The following GRM7 variants were observed in gnomAD, a reference collection of about 807,000 sequenced individuals.
The protein encoded by GRM7 is glutamate metabotropic receptor 7.
In GRM7, 35 loss-of-function variants were observed where a neutral mutation model predicts 84.5. The ratio of observed to expected loss-of-function variants is 0.41; its 90% CI spans 0.32 to 0.55. The LOEUF (loss-of-function observed/expected upper bound fraction) is 0.55, where lower values mean the gene tolerates loss of function less well. GRM7 is among the 20% of genes least tolerant of loss of function. GRM7 has a pLI of 0.19. For missense variants in GRM7, 1,003 were observed against 1,194.6 expected (o/e 0.84, Z 2.36); for synonymous variants, 487 against 455.1 (o/e 1.07, Z -0.89).
At chr3:7,110,981 G>A (rs1244129265) in intron 1 of GRM7, among the ~76,000 whole-genome samples, 2 of 152,142 alleles carry the variant, frequency 1.3e-5, no homozygotes, top group Admixed American at 1.3e-4. Flanking sequence ...GACAGAATGG[G>A]TGGAGGGGAA....
intron 4 of GRM7, among the ~76,000 whole-genome samples, chr3:7,352,555 T>C (rs1444249257): frequency 1.3e-5 from 2 of 152,130 alleles, no homozygotes; most frequent in Non-Finnish European, 2.9e-5. Context: ...GTCCTCATCA[T>C]GCAATTGGCT....
At chr3:6,987,397 G>GAAAA (rs1330845179) in intron 1 of GRM7, among the ~76,000 whole-genome samples, 6 of 133,714 alleles carry the variant, frequency 4.5e-5, no homozygotes, top group African/African-American at 1.9e-4. Context: ...GGTGCTGAAG[G>GAAAA]ACAAAAAAAA....
intron 5 of GRM7, among the ~76,000 whole-genome samples, chr3:7,446,666 G>A (rs1290696476): frequency 3.3e-5 from 5 of 151,918 alleles, no homozygotes; most frequent in African/African-American, 1.2e-4. Flanking sequence ...CACCATGTTG[G>A]CCAGGCTGGT....
intron 8 of GRM7, among the ~76,000 whole-genome samples, chr3:7,666,301 C>T (rs555870369): frequency 3.9e-5 from 6 of 152,276 alleles, no homozygotes; most frequent in South Asian, 2.1e-4. Context: ...TAAGTCCTTT[C>T]ACTGGAATTA....
intron 1 of GRM7, among the ~76,000 whole-genome samples, chr3:7,055,523 A>G (rs1697188898): frequency 6.7e-6 from 1 of 148,970 alleles, no homozygotes; most frequent in Admixed American, 6.7e-5. Context: ...ATATATATAT[A>G]CATACACACA....
chr3:7,044,123 C>G lies in GRM7; in HGVS notation c.520-102329C>G, dbSNP rs1438708029. On this transcript the variant is annotated intron_variant, in intron 1 of 9. Coordinates refer to ENST00000357716, the MANE Select transcript of GRM7 (RefSeq NM_000844.4). ...AGCAGTCACCAATTCATATCATCAT[C>G]CAAGTCACTGATAAAAATATTGATC... Among the ~76,000 whole-genome samples the G allele has an allele frequency of 5.3e-5, 8 of 152,182 alleles. No homozygotes were observed. In the East Asian group the frequency reaches 1.5e-3, roughly 29 times the overall value.
At chr3:7,097,547 A>C (rs1052285723) in intron 1 of GRM7, among the ~76,000 whole-genome samples, 1 of 152,150 alleles carries the variant, frequency 6.6e-6, no homozygotes, top group Non-Finnish European at 1.5e-5. Flanking sequence ...TTCCACTAAC[A>C]AAAGAATAAT....
intron 1 of GRM7, among the ~76,000 whole-genome samples, chr3:6,996,284 G>T (rs185723262): frequency 1.3e-5 from 2 of 152,116 alleles, no homozygotes; most frequent in Admixed American, 6.5e-5. Context: ...CAGAGACCTC[G>T]TGATCCACCT....
chr3:7,499,659 A>G (rs959390647), intron 7 of GRM7, among the ~76,000 whole-genome samples: 15 of 152,228 alleles, frequency 9.9e-5, no homozygotes, highest in African/African-American at 2.7e-4. Context: ...GTATAAAGGC[A>G]GAGTTGGCAA....
Position 7,616,038 on chromosome 3 carries a change from G to A in GRM7, c.2451+36681G>A, listed in dbSNP as rs1367118899. The stretch of plus-strand genomic sequence containing the variant: ...TTATTCAGGTTTCTAGTTGTACTCA[G>A]TAGAAAGGTTGATCTGAAGTAGGTA... On this transcript the variant is annotated intron_variant, in intron 8 of 9. Coordinates refer to ENST00000357716, the MANE Select transcript of GRM7 (RefSeq NM_000844.4). Among the ~76,000 whole-genome samples, 5 of 152,010 alleles carry A rather than the reference G, an allele frequency of 3.3e-5. No homozygotes were observed. The East Asian group carries it at 9.6e-4, about 29-fold the overall frequency.
At chr3:6,978,531 G>A (rs925376063) in intron 1 of GRM7, among the ~76,000 whole-genome samples, 6 of 152,086 alleles carry the variant, frequency 3.9e-5, no homozygotes, top group East Asian at 3.9e-4. Context: ...GGCACTGATC[G>A]CCATTATTTT....
intron 1 of GRM7, among the ~76,000 whole-genome samples, chr3:7,126,090 G>C (rs1693389713): frequency 6.6e-6 from 1 of 152,184 alleles, no homozygotes; most frequent in Admixed American, 6.5e-5. Flanking sequence ...GACAGCCTGG[G>C]AGCCAGGGAA....
chr3:7,363,813 A>G (rs1012672390), intron 4 of GRM7, among the ~76,000 whole-genome samples: 5 of 152,056 alleles, frequency 3.3e-5, no homozygotes, highest in Non-Finnish European at 7.4e-5. Flanking sequence ...TTAGATTTTT[A>G]TATTTTTACC....
intron 7 of GRM7, among the ~76,000 whole-genome samples, chr3:7,503,404 A>C (rs990283666): frequency 1.3e-5 from 2 of 151,794 alleles, no homozygotes; most frequent in Non-Finnish European, 2.9e-5. Flanking sequence ...ACACACACAC[A>C]CTTTCTCAGG....
chr3:7,264,329 G>A (rs1283403094), intron 2 of GRM7, among the ~76,000 whole-genome samples: 1 of 151,922 alleles, frequency 6.6e-6, no homozygotes, highest in Admixed American at 6.5e-5. Flanking sequence ...ACACTCCTGC[G>A]CCAAATCCTC....
intron 1 of GRM7, among the ~76,000 whole-genome samples, chr3:7,140,336 C>T (rs1294962732): frequency 2.0e-5 from 3 of 151,592 alleles, no homozygotes; most frequent in Admixed American, 6.6e-5. Flanking sequence ...ACCAGGATCA[C>T]ACAATGCAGG....
intron 7 of GRM7, among the ~76,000 whole-genome samples, chr3:7,524,263 T>A (rs1311862123): frequency 6.7e-6 from 1 of 149,950 alleles, no homozygotes; most frequent in Non-Finnish European, 1.5e-5. Flanking sequence ...AATTGACAAA[T>A]GGGATCCAAT....
chr3:7,629,327 A>G (rs1697762609), intron 8 of GRM7, among the ~76,000 whole-genome samples: 1 of 152,166 alleles, frequency 6.6e-6, no homozygotes, highest in South Asian at 2.1e-4. Context: ...AACAGTAGGC[A>G]TTTATTTTTC....
At chr3:7,732,189 A>G (rs1460730742) in intron 9 of GRM7, among the ~76,000 whole-genome samples, 1 of 152,040 alleles carries the variant, frequency 6.6e-6, no homozygotes, top group Non-Finnish European at 1.5e-5. Flanking sequence ...CTCTTTCTCT[A>G]TGACAATGCT....
Sources: gnomAD v4.1 joint callset for allele counts (sites outside exome capture counted in the v4.1 genomes callset) on GRCh38, gnomAD v4.1.1 for gene constraint, MANE v1.5 for transcripts, NCBI Gene and HGNC (gene_info 2026-07-23, HGNC 2026-07-21) for gene names.